The following SLC2A7 variants were observed in gnomAD, a reference collection of about 807,000 sequenced individuals.
The protein encoded by SLC2A7 is solute carrier family 2, facilitated glucose transporter member 7.
In SLC2A7, 50 loss-of-function variants were observed where a neutral mutation model predicts 50.5. The observed-to-expected ratio is 0.99, with a 90% CI of 0.79 to 1.25. The LOEUF (loss-of-function observed/expected upper bound fraction) is 1.25, where lower values mean the gene tolerates loss of function less well. Ranked by LOEUF, SLC2A7 falls within the 50% of genes most tolerant of loss-of-function variation. SLC2A7 has a pLI of 0.00. For synonymous variants in SLC2A7, 308 were observed against 300.4 expected (o/e 1.03, Z -0.26); for missense variants, 683 against 679.1 (o/e 1.01, Z -0.06).
At chr1:8,997,525 C>T in the SLC2A7 span, among the ~76,000 whole-genome samples, 2 of 152,124 alleles carry the variant, frequency 1.3e-5, no homozygotes, top group South Asian at 2.1e-4. Flanking sequence ...CTCAGCCTCC[C>T]GAGTAGCTGG....
the SLC2A7 span, among the ~76,000 whole-genome samples, chr1:8,993,316 A>T: frequency 6.6e-6 from 1 of 152,196 alleles, no homozygotes; most frequent in Non-Finnish European, 1.5e-5. Flanking sequence ...GGAATTCAAG[A>T]TGAGATGTGG....
chr1:9,005,240 C>T (rs1262039894), intron 10 of SLC2A7, among the ~76,000 whole-genome samples: 1 of 152,164 alleles, frequency 6.6e-6, no homozygotes, highest in Non-Finnish European at 1.5e-5. Context: ...AAAGAGCTTC[C>T]TTTGCGCTGG....
chr1:8,995,150 T>C, the SLC2A7 span, among the ~76,000 whole-genome samples: 1 of 151,202 alleles, frequency 6.6e-6, no homozygotes, highest in Non-Finnish European at 1.5e-5. Context: ...CTTACTAGCA[T>C]ATATTTTAAA....
the SLC2A7 span, among the ~76,000 whole-genome samples, chr1:8,997,424 G>A: frequency 2.6e-5 from 4 of 152,116 alleles, no homozygotes; most frequent in African/African-American, 9.6e-5. Flanking sequence ...TTTTGAGAAG[G>A]ACTTTTGCTC....
At chr1:9,020,865 A>G (rs1640903507) in intron 3 of SLC2A7, among the ~76,000 whole-genome samples, 1 of 151,932 alleles carries the variant, frequency 6.6e-6, no homozygotes, top group Admixed American at 6.6e-5. Flanking sequence ...GATAGTGAAT[A>G]AGTCTCACCA....
Position 9,026,395 on chromosome 1 carries a change from G to A in SLC2A7, c.-50C>T, listed in dbSNP as rs924532770. 2.0e-5 allele frequency: 30 copies of A among 1,535,792 alleles called. No individual in the cohort carries two copies. Among genetic ancestry groups the A allele is most frequent in the Admixed American group, 9.7e-5 (5 of 51,606 alleles). ...GTGCTCTACCTCCCAAGTGACACCTGCTCTGCGCCAGCCACCTAAAGACCG... is the reference window on the plus strand; with the variant it reads ...GTGCTCTACCTCCCAAGTGACACCTACTCTGCGCCAGCCACCTAAAGACCG... On this transcript the variant is annotated 5_prime_UTR_variant, in exon 1 of 12. Coordinates refer to ENST00000400906, the MANE Select transcript of SLC2A7 (RefSeq NM_207420.3).
the SLC2A7 span, among the ~76,000 whole-genome samples, chr1:8,992,730 C>T: frequency 1.2e-4 from 18 of 152,266 alleles, no homozygotes; most frequent in African/African-American, 3.9e-4. Flanking sequence ...ATAGCCGGAG[C>T]CCAGGATCCA....
intron 3 of SLC2A7, among the ~76,000 whole-genome samples, chr1:9,022,361 T>C (rs1640924006): frequency 6.6e-6 from 1 of 152,196 alleles, no homozygotes. Context: ...GTCACGTCTT[T>C]GGAGCACCTG....
chr1:9,004,857 C>T lies in SLC2A7; in HGVS notation c.1215G>A (p.Arg405=), dbSNP rs1467012985. 1 of 1,613,764 alleles carries T rather than the reference C, an allele frequency of 6.2e-7. No homozygotes were observed. Residue 405 remains arginine (R), a synonymous_variant, in exon 11 of 12, where the codon AGG becomes AGA. Transcript: ENST00000400906. ...GGGAGGACTGCAGGAAGATCTCGGT[C>T]CTCACCACCGAGGGGACAGGACCTG... ...IGPSPVPSVV[R]TEIFLQSSRR...
chr1:8,995,486 C>T, the SLC2A7 span, among the ~76,000 whole-genome samples: 1 of 151,748 alleles, frequency 6.6e-6, no homozygotes, highest in African/African-American at 2.4e-5. Context: ...GTGGCCTACT[C>T]CTGTAATCCC....
chr1:9,021,300 G>C (rs1039278810), intron 3 of SLC2A7, among the ~76,000 whole-genome samples: 1 of 152,114 alleles, frequency 6.6e-6, no homozygotes, highest in African/African-American at 2.4e-5. Context: ...GCGAGCCCCC[G>C]TGCCCAGCCT....
the SLC2A7 span, among the ~76,000 whole-genome samples, chr1:8,997,563 C>T: frequency 6.6e-6 from 1 of 151,998 alleles, no homozygotes; most frequent in Admixed American, 6.6e-5. Flanking sequence ...ACCAAGCCGG[C>T]TAATTTTTGT....
intron 11 of SLC2A7, among the ~76,000 whole-genome samples, chr1:9,003,853 C>G (rs369105691): frequency 6.6e-6 from 1 of 151,378 alleles, no homozygotes; most frequent in East Asian, 1.9e-4. Flanking sequence ...GCGTGACTGT[C>G]TCAAAAAAAC....
Position 9,014,745 on chromosome 1 carries a change from A to C in SLC2A7, c.839T>G (p.Leu280Arg). 1.3e-6 allele frequency: 2 copies of C among 1,580,880 alleles called. No homozygotes were observed. The highest frequency in any genetic ancestry group is 2.3e-5 in the South Asian group (2 of 86,682). ...SVLHLCALRS[L>R]RWQLLSIIVL... ...GATGATGGAGAGGAGCTGCCAGCGC[A>C]GGGACCGCAGGGCACAGAGGTGCAG... The change falls in exon 7 of 12, where the codon CTG (leucine) becomes CGG (arginine). Residue 280 changes from leucine to arginine, a missense_variant. By Grantham distance (102) the Leu-to-Arg change is moderately radical. Transcript: ENST00000400906.
Position 9,018,306 on chromosome 1 carries a change from C to T in SLC2A7, c.506G>A (p.Gly169Glu), listed in dbSNP as rs1279915918. 6.2e-7 allele frequency: 1 copy of T among 1,614,184 alleles called. No homozygotes were observed. The highest frequency in any genetic ancestry group is 8.5e-7 in the Non-Finnish European group (1 of 1,180,036). Residue 169 changes from glycine (G) to glutamate (E), a missense_variant, in exon 5 of 12, where the codon GGA becomes GAA. Physicochemically the swap from Gly to Glu is moderately conservative, Grantham distance 98 (BLOSUM62 -2). Coordinates refer to ENST00000400906, the MANE Select transcript of SLC2A7 (RefSeq NM_207420.3). The part of the protein sequence containing the change: ...LAPKNLRGMV[G>E]TMTEVFVIVG... Reference sequence around the variant, plus strand: ...GATGACGAAAACCTCGGTCATTGTTCCCACCATGCCTCTCAGGTTCTTGGG... The same window carrying T: ...GATGACGAAAACCTCGGTCATTGTTTCCACCATGCCTCTCAGGTTCTTGGG...
intron 8 of SLC2A7, among the ~76,000 whole-genome samples, chr1:9,010,782 C>G (rs114815464): frequency 1.3e-5 from 2 of 152,190 alleles, no homozygotes; most frequent in Non-Finnish European, 2.9e-5. Context: ...ATTTCCAGAC[C>G]TCCTGGATCT....
downstream of SLC2A7, among the ~76,000 whole-genome samples, chr1:9,002,134 G>A (rs1231678758): frequency 6.6e-6 from 1 of 152,154 alleles, no homozygotes; most frequent in Non-Finnish European, 1.5e-5. Context: ...AGGGACCTCT[G>A]CCCAAGAAAG....
chr1:9,009,130 G>A (rs1325156726), intron 9 of SLC2A7, among the ~76,000 whole-genome samples: 1 of 152,180 alleles, frequency 6.6e-6, no homozygotes, highest in East Asian at 1.9e-4. Context: ...AAGGAAAAGA[G>A]CAAAGATCTT....
At position 9,026,420 on chromosome 1, in the gene SLC2A7, G is replaced by C. The variant is rs757200392; in HGVS notation, c.-75C>G. On this transcript the variant is annotated 5_prime_UTR_variant, in exon 1 of 12. Transcript: ENST00000400906. Reference sequence around the variant, plus strand: ...GCTCTGCGCCAGCCACCTAAAGACCGGCTGTTTCTCCCCTGGGCCTACCTG... The same window carrying C: ...GCTCTGCGCCAGCCACCTAAAGACCCGCTGTTTCTCCCCTGGGCCTACCTG... 4.9e-6 allele frequency: 7 copies of C among 1,435,512 alleles called. No individual in the cohort carries two copies. The highest frequency in any genetic ancestry group is 2.5e-5 in the East Asian group (1 of 40,446). The allele number at this position is 1,435,512 out of a possible 1,614,324, so 88.9% of individuals were successfully genotyped here.
Sources: gnomAD v4.1 joint callset for allele counts (sites outside exome capture counted in the v4.1 genomes callset) on GRCh38, gnomAD v4.1.1 for gene constraint, MANE v1.5 for transcripts, NCBI Gene and HGNC (gene_info 2026-07-23, HGNC 2026-07-21) for gene names.